EPB41L4A: variants seen among roughly 807,000 people sequenced by gnomAD.
EPB41L4A encodes erythrocyte membrane protein band 4.1 like 4A, also known as band 4.1-like protein 4A.
Under a neutral mutation model 108.6 loss-of-function variants are expected in EPB41L4A, and 100 were observed. The ratio of observed to expected loss-of-function variants is 0.92; its 90% CI spans 0.78 to 1.09. EPB41L4A has a LOEUF of 1.09. Among genes scored for constraint, EPB41L4A ranks in the 50% least tolerant of loss-of-function variants. The pLI is 0.00. For synonymous variants in EPB41L4A, 319 were observed against 289.0 expected (o/e 1.10, Z -1.05); for missense variants, 1,030 against 842.7 (o/e 1.22, Z -2.75).
chr5:112,223,333 T>C (rs1748214950), intron 12 of EPB41L4A, among the ~76,000 whole-genome samples: 1 of 152,000 alleles, frequency 6.6e-6, no homozygotes, highest in Non-Finnish European at 1.5e-5. Flanking sequence ...TCTTTAACAT[T>C]GATATTAATA....
At position 112,359,122 on chromosome 5, in the gene EPB41L4A, T is replaced by A. The variant is rs114750130; in HGVS notation, c.100-51632A>T. Among the ~76,000 whole-genome samples the A allele has an allele frequency of 1.6e-3, 244 of 152,220 alleles. 1 individual carries two copies. Among genetic ancestry groups the A allele is most frequent in the Non-Finnish European group, 2.5e-4 (17 of 68,030 alleles). ...GATCTGGATGGTGTTTACACAACTATATCTATATGTAAAAACTCATTCAGC... is the reference window on the plus strand; with the variant it reads ...GATCTGGATGGTGTTTACACAACTAAATCTATATGTAAAAACTCATTCAGC... On this transcript the variant is annotated intron_variant, in intron 1 of 22. Transcript: ENST00000261486.
At chr5:112,401,774 G>C in intron 1 of EPB41L4A, among the ~76,000 whole-genome samples, 1 of 152,186 alleles carries the variant, frequency 6.6e-6, no homozygotes, top group Non-Finnish European at 1.5e-5. Flanking sequence ...GACAAAAAGA[G>C]AGCCAATGAC....
intron 2 of EPB41L4A, among the ~76,000 whole-genome samples, chr5:112,304,025 G>C (rs1011487363): frequency 6.6e-6 from 1 of 152,130 alleles, no homozygotes; most frequent in African/African-American, 2.4e-5. Flanking sequence ...TGACAGGAAA[G>C]GAAGGGTATG....
At chr5:112,347,640 C>T (rs978080755) in intron 1 of EPB41L4A, among the ~76,000 whole-genome samples, 2 of 152,190 alleles carry the variant, frequency 1.3e-5, no homozygotes, top group African/African-American at 4.8e-5. Context: ...TCTCTTCTTC[C>T]TCCCTTTCAC....
chr5:112,160,988 T>C (rs1299809146), downstream of EPB41L4A: 1 of 156,072 alleles, frequency 6.4e-6, no homozygotes, highest in African/African-American at 2.4e-5. Context: ...CCACCCTGAG[T>C]CTGGTGAGTC....
At chr5:112,299,342 G>A (rs7445191) in intron 2 of EPB41L4A, among the ~76,000 whole-genome samples, 49,376 of 152,012 alleles carry the variant, frequency 0.32, 8,806 homozygotes, top group African/African-American at 0.48. Flanking sequence ...TGATAGTTGT[G>A]TCACTATTAT....
At chr5:112,389,805 G>A (rs1418903911) in intron 1 of EPB41L4A, among the ~76,000 whole-genome samples, 1 of 152,118 alleles carries the variant, frequency 6.6e-6, no homozygotes, top group Non-Finnish European at 1.5e-5. Flanking sequence ...TTTTGACAAT[G>A]TAATATACGT....
At chr5:112,311,687 G>A (rs1334984317) in intron 1 of EPB41L4A, among the ~76,000 whole-genome samples, 3 of 152,134 alleles carry the variant, frequency 2.0e-5, no homozygotes, top group Non-Finnish European at 4.4e-5. Flanking sequence ...CAGCCTGGGC[G>A]ACAGAGTGAG....
intron 1 of EPB41L4A, among the ~76,000 whole-genome samples, chr5:112,369,586 TA>T (rs1759352829): frequency 6.6e-6 from 1 of 152,232 alleles, no homozygotes; most frequent in African/African-American, 2.4e-5. Context: ...CTATGCTGGT[TA>T]TTTTTTTAAT....
chr5:112,142,410 T>G (rs1239433296), downstream of EPB41L4A: 25 of 152,254 alleles, frequency 1.6e-4, no homozygotes, highest in Non-Finnish European at 1.5e-5. Flanking sequence ...AAATAGCATC[T>G]GGTAATTCAA....
At chr5:112,161,967 G>A (rs1164978746), downstream of EPB41L4A, 1 of 156,748 alleles carries the variant, frequency 6.4e-6, no homozygotes, top group Non-Finnish European at 1.4e-5. Flanking sequence ...GATACTTCCT[G>A]AGAAGCCCAG....
At chr5:112,204,596 A>G (rs1762381704) in intron 14 of EPB41L4A, 108 bp from the exon 15 acceptor site, 4 of 630,004 alleles carry the variant, frequency 6.3e-6, no homozygotes, top group East Asian at 2.6e-5. Flanking sequence ...CCAGAGGCAC[A>G]TGCACCAGGG....
chr5:112,260,377 C>T (rs1751414365), intron 7 of EPB41L4A, among the ~76,000 whole-genome samples: 1 of 152,142 alleles, frequency 6.6e-6, no homozygotes. Flanking sequence ...AATGAAGAGG[C>T]CAAAGTAGCA....
rs1323910783 is a variant in EPB41L4A at position 112,309,213 on chromosome 5, A to G, written c.100-1723T>C. ...TTCCCTGTTGATTTGAAACAACTTT[A>G]TCATCTATTAAATGAATCCCCAGTA... On this transcript the variant is annotated intron_variant, in intron 1 of 22. Transcript: ENST00000261486. Among the ~76,000 whole-genome samples, 6 of 152,198 alleles carry G rather than the reference A, an allele frequency of 3.9e-5. 1 individual carries two copies. Among genetic ancestry groups the G allele is most frequent in the African/African-American group, 7.2e-5 (3 of 41,458 alleles).
At chr5:112,343,688 C>T (rs1757463522) in intron 1 of EPB41L4A, among the ~76,000 whole-genome samples, 1 of 151,798 alleles carries the variant, frequency 6.6e-6, no homozygotes, top group South Asian at 2.1e-4. Context: ...CAAACCTTCA[C>T]AAAATAATCT....
rs969990148 is a variant in EPB41L4A at position 112,296,927 on chromosome 5, A to G, written c.204+10459T>C. Among the ~76,000 whole-genome samples the G allele has an allele frequency of 2.0e-5, 3 of 152,214 alleles. No homozygotes were observed. The South Asian group carries it at 6.2e-4, about 32-fold the overall frequency. The stretch of plus-strand genomic sequence containing the variant: ...TCCAATATCATCAAGGTTGCTGTGA[A>G]TGCCATTAATTCATTCCATTTTATG... On this transcript the variant is annotated intron_variant, in intron 2 of 22. Coordinates refer to ENST00000261486, the MANE Select transcript of EPB41L4A (RefSeq NM_022140.5).
chr5:112,166,426 G>A (rs1192082253), intron 22 of EPB41L4A, among the ~76,000 whole-genome samples: 1 of 152,138 alleles, frequency 6.6e-6, no homozygotes, highest in Non-Finnish European at 1.5e-5. Flanking sequence ...CAAGCTCACT[G>A]CATGTTGGTC....
In EPB41L4A at chr5:112,171,189, G is replaced by A. The variant is rs147418089; in HGVS notation, c.1623-197C>T. Among the ~76,000 whole-genome samples the A allele has an allele frequency of 2.3e-3, 347 of 152,252 alleles. 1 individual carries two copies. Among genetic ancestry groups the A allele is most frequent in the African/African-American group, 7.8e-3 (325 of 41,540 alleles). ...CTAAATTGCTGCTACTGCCGCTGAA[G>A]GAAAATCATAAAACCCAGTCATAAC... is the stretch of plus-strand genomic sequence containing the variant. On this transcript the variant is annotated intron_variant, in intron 18 of 22. Transcript: ENST00000261486.
chr5:112,173,218 G>A (rs557695778), intron 18 of EPB41L4A, among the ~76,000 whole-genome samples: 79 of 152,282 alleles, frequency 5.2e-4, no homozygotes, highest in African/African-American at 1.8e-3. Flanking sequence ...GAAAATGACC[G>A]AGGGTGCAGT....
Sources: gnomAD v4.1 joint callset for allele counts (sites outside exome capture counted in the v4.1 genomes callset) on GRCh38, gnomAD v4.1.1 for gene constraint, MANE v1.5 for transcripts, NCBI Gene and HGNC (gene_info 2026-07-23, HGNC 2026-07-21) for gene names.